PLA2R1: variants seen among roughly 807,000 people sequenced by gnomAD.
PLA2R1 encodes the protein phospholipase A2 receptor 1.
A neutral mutation model predicts 195.9 loss-of-function variants in PLA2R1; 158 were observed. The observed-to-expected ratio is 0.81, with a 90% CI of 0.71 to 0.92. PLA2R1 has a LOEUF of 0.92. Among genes scored for constraint, PLA2R1 ranks in the 40% least tolerant of loss-of-function variants. The probability of loss-of-function intolerance (pLI) is 0.00; values close to 1 mark genes in which losing one functional copy is unlikely to be tolerated. For missense variants in PLA2R1, 1,626 were observed against 1,764.6 expected, an observed-to-expected ratio of 0.92 and a Z score of 1.41; for synonymous variants, 586 against 598.2, an observed-to-expected ratio of 0.98 and a Z score of 0.30.
chr2:160,028,851 T>G lies in PLA2R1; in HGVS notation c.954A>C (p.Pro318=). 6.3e-7 allele frequency: 1 copy of G among 1,596,706 alleles called. No individual in the cohort carries two copies. Among genetic ancestry groups the G allele is most frequent in the Non-Finnish European group, 8.6e-7 (1 of 1,163,744 alleles). The change falls in exon 5 of 30, where the codon CCA becomes CCC. Residue 318 remains proline, a splice_region_variant and synonymous_variant. Coordinates refer to ENST00000283243, the MANE Select transcript of PLA2R1 (RefSeq NM_007366.5). Reference sequence around the variant, plus strand: ...AGGCAAAGAAAACACTGCGGGTACCTGGGCTCCAATTCAGATAGTTGAGCG... The same window carrying G: ...AGGCAAAGAAAACACTGCGGGTACCGGGGCTCCAATTCAGATAGTTGAGCG... ...GTPLNYLNWS[P]EVNFEPFVED... is the part of the protein sequence containing the mutation.
intron 24 of PLA2R1, 134 bp from the exon 25 acceptor site, chr2:159,949,910 T>C (rs1021648410): frequency 4.7e-6 from 3 of 644,188 alleles, no homozygotes; most frequent in African/African-American, 1.8e-5. Flanking sequence ...CTAGGACATC[T>C]GTGAATACAG....
At chr2:160,007,090 G>C (rs1228370132) in intron 10 of PLA2R1, among the ~76,000 whole-genome samples, 1 of 152,136 alleles carries the variant, frequency 6.6e-6, no homozygotes, top group Non-Finnish European at 1.5e-5. Context: ...GCACACATTT[G>C]AAACAAGAAA....
intron 12 of PLA2R1, among the ~76,000 whole-genome samples, chr2:159,986,848 A>C (rs1466891057): frequency 6.6e-6 from 1 of 152,090 alleles, no homozygotes; most frequent in Non-Finnish European, 1.5e-5. Flanking sequence ...CGGCCTCCCA[A>C]AGTGCTGGGA....
At chr2:160,051,990 T>C (rs1342007469) in intron 1 of PLA2R1, among the ~76,000 whole-genome samples, 1 of 152,264 alleles carries the variant, frequency 6.6e-6, no homozygotes, top group Non-Finnish European at 1.5e-5. Flanking sequence ...CTCTTTGTCC[T>C]GTCTCAGAAC....
At chr2:159,953,913 A>T (rs1687921177) in intron 23 of PLA2R1, among the ~76,000 whole-genome samples, 1 of 152,156 alleles carries the variant, frequency 6.6e-6, no homozygotes, top group Admixed American at 6.5e-5. Context: ...GGCTCACTGC[A>T]ACCTCCGCCT....
chr2:159,932,134 C>T lies in PLA2R1; in HGVS notation c.*9644G>A, dbSNP rs921994924. The stretch of plus-strand genomic sequence containing the variant: ...TTTTCTCCCTTCACTTCACTTGGGA[C>T]GTTTAGTATAAGTTGCAGTAGCAAT... On this transcript the variant is annotated 3_prime_UTR_variant, in exon 30 of 30. Coordinates refer to ENST00000283243, the MANE Select transcript of PLA2R1 (RefSeq NM_007366.5). 1 of 152,182 alleles carries T rather than the reference C, an allele frequency of 6.6e-6. No individual in the cohort carries two copies. The highest frequency in any genetic ancestry group is 2.4e-5 in the African/African-American group (1 of 41,438). The allele number at this position is 152,182 out of a possible 1,614,324, so 9.4% of individuals were successfully genotyped here. A position where few individuals can be genotyped will look rare whatever the true frequency, so the allele number is the denominator to read the frequency against.
At chr2:159,986,894 T>A (rs1484151513) in intron 12 of PLA2R1, among the ~76,000 whole-genome samples, 1 of 152,158 alleles carries the variant, frequency 6.6e-6, no homozygotes, top group East Asian at 1.9e-4. Flanking sequence ...GCCCTGTGCC[T>A]GGTATTTCTG....
intron 1 of PLA2R1, among the ~76,000 whole-genome samples, chr2:160,045,520 A>G (rs1255822070): frequency 6.6e-6 from 1 of 152,170 alleles, no homozygotes; most frequent in Non-Finnish European, 1.5e-5. Flanking sequence ...CCGGGGAGGG[A>G]CACTGGGTGC....
Position 159,977,305 on chromosome 2 carries a change from A to G in PLA2R1, c.2380T>C (p.Trp794Arg). 1 of 1,612,670 alleles carries G rather than the reference A, an allele frequency of 6.2e-7. No homozygotes were observed. Among genetic ancestry groups the G allele is most frequent in the Non-Finnish European group, 8.5e-7 (1 of 1,178,834 alleles). Residue 794 changes from tryptophan to arginine, a missense_variant, in exon 15 of 30, where the codon TGG becomes CGG. Physicochemically the swap from Trp to Arg is moderately radical, Grantham distance 101. Transcript: ENST00000283243. ...TTACCTCTTGGGATTTTGCATATCC[A>G]TTCACGTTTGGAACCACAGTGTAAG... ...LPLHCGSKREWICKIPRDVKP... is the reference protein window; with the variant it reads ...LPLHCGSKRERICKIPRDVKP...
At chr2:160,025,244 C>T (rs948832289) in intron 6 of PLA2R1, among the ~76,000 whole-genome samples, 2 of 152,024 alleles carry the variant, frequency 1.3e-5, no homozygotes, top group African/African-American at 4.8e-5. Flanking sequence ...TGGCTGTAAT[C>T]CCAGCACTTT....
At chr2:159,972,336 A>T (rs1689245311) in intron 17 of PLA2R1, among the ~76,000 whole-genome samples, 1 of 152,204 alleles carries the variant, frequency 6.6e-6, no homozygotes. Flanking sequence ...AGACTTATTA[A>T]CATGTGTTTG....
intron 21 of PLA2R1, 68 bp downstream of exon 21, chr2:159,956,442 G>T: frequency 1.2e-6 from 1 of 825,008 alleles, no homozygotes; most frequent in Non-Finnish European, 2.2e-6. Context: ...TATAGGTGGG[G>T]GGGATATTTT....
At chr2:160,016,418 A>C (rs1692756821) in intron 9 of PLA2R1, among the ~76,000 whole-genome samples, 196 bp downstream of exon 9, 1 of 150,720 alleles carries the variant, frequency 6.6e-6, no homozygotes, top group Admixed American at 6.7e-5. Context: ...TCCTGTGTAG[A>C]AGATAGCAAG....
At chr2:159,956,465 A>C (rs779382906) in intron 21 of PLA2R1, 45 bp downstream of exon 21, 6 of 957,722 alleles carry the variant, frequency 6.3e-6, no homozygotes, top group Non-Finnish European at 1.0e-5. Context: ...TAAATACTTG[A>C]ATAAAAATGG....
chr2:159,969,221 G>T (rs770517574), intron 19 of PLA2R1, 35 bp downstream of exon 19: 10 of 1,037,788 alleles, frequency 9.6e-6, no homozygotes, highest in African/African-American at 1.6e-5. Context: ...TTATCAGTTT[G>T]TATTATAAAC....
chr2:160,056,323 T>G (rs1695540687), intron 1 of PLA2R1, among the ~76,000 whole-genome samples: 1 of 152,256 alleles, frequency 6.6e-6, no homozygotes, highest in African/African-American at 2.4e-5. Context: ...TATTTCTTAT[T>G]GTGGTTTGCT....
At chr2:159,977,516 C>T (rs1689656994) in intron 14 of PLA2R1, 100 bp from the exon 15 acceptor site, 1 of 919,974 alleles carries the variant, frequency 1.1e-6, no homozygotes, top group African/African-American at 1.7e-5. Context: ...ATAGGCTACT[C>T]CAGGAAGCTT....
intron 1 of PLA2R1, among the ~76,000 whole-genome samples, chr2:160,054,552 A>G (rs1276947273): frequency 6.6e-6 from 1 of 152,150 alleles, no homozygotes; most frequent in African/African-American, 2.4e-5. Flanking sequence ...TTATTTCCAT[A>G]TTTCTTTGGA....
At chr2:160,026,083 C>G (rs980078126) in intron 6 of PLA2R1, among the ~76,000 whole-genome samples, 2 of 152,100 alleles carry the variant, frequency 1.3e-5, no homozygotes, top group African/African-American at 4.8e-5. Context: ...ACTAAGATAA[C>G]CATTTTACTA....
Sources: allele counts gnomAD v4.1 joint callset (sites outside exome capture counted in the v4.1 genomes callset), GRCh38; gene constraint gnomAD v4.1.1; transcripts MANE v1.5; gene names NCBI Gene and HGNC (gene_info 2026-07-23, HGNC 2026-07-21).